The following VWA8 variants were observed in gnomAD, a reference collection of about 807,000 sequenced individuals.
VWA8 encodes von Willebrand factor A domain-containing protein 8.
Under a neutral mutation model 241.5 loss-of-function variants are expected in VWA8, and 221 were observed. The ratio of observed to expected loss-of-function variants is 0.91; its 90% CI spans 0.82 to 1.02. VWA8 has a LOEUF of 1.02. Ranked by LOEUF, VWA8 falls within the 50% of genes least tolerant of loss-of-function variation. The pLI is 0.00. For missense variants in VWA8, 2,322 were observed against 2,328.7 expected (o/e 1.00, Z 0.06); for synonymous variants, 852 against 827.1 (o/e 1.03, Z -0.52).
At chr13:41,881,671 G>C (rs1874202329) in intron 9 of VWA8, among the ~76,000 whole-genome samples, 1 of 150,384 alleles carries the variant, frequency 6.6e-6, no homozygotes, top group Non-Finnish European at 1.5e-5. Context: ...TCCCAGTAGG[G>C]GCGGCCGGGC....
At chr13:41,779,813 A>G (rs768610683) in intron 19 of VWA8, among the ~76,000 whole-genome samples, 30 of 152,200 alleles carry the variant, frequency 2.0e-4, no homozygotes, top group Admixed American at 2.6e-4. Context: ...TCCAAACTAT[A>G]TCTGTGTTCT....
At chr13:41,578,580 A>G (rs977335004) in intron 42 of VWA8, among the ~76,000 whole-genome samples, 5 of 152,192 alleles carry the variant, frequency 3.3e-5, no homozygotes, top group Non-Finnish European at 1.5e-5. Context: ...TCCATTTGCT[A>G]ACTCCTAAAT....
chr13:41,875,748 T>C (rs1461230570), intron 9 of VWA8, among the ~76,000 whole-genome samples: 1 of 152,110 alleles, frequency 6.6e-6, no homozygotes, highest in African/African-American at 2.4e-5. Context: ...TTTTATTTTC[T>C]ATCTACATTC....
intron 12 of VWA8, among the ~76,000 whole-genome samples, chr13:41,851,384 T>C (rs1160748535): frequency 6.6e-6 from 1 of 152,238 alleles, no homozygotes; most frequent in African/African-American, 2.4e-5. Flanking sequence ...TCCTCCAGGT[T>C]TATTTACATT....
At chr13:41,720,665 T>C (rs1374124343) in intron 25 of VWA8, among the ~76,000 whole-genome samples, 1 of 152,150 alleles carries the variant, frequency 6.6e-6, no homozygotes, top group Non-Finnish European at 1.5e-5. Context: ...ACTGGAACTT[T>C]GTATCCTTGG....
In VWA8 at chr13:41,675,297, C is replaced by G. The variant is rs770672403; in HGVS notation, c.4328-1G>C. ...CCAGATGTTTGTGGAGGAGTAACATCTACAAACAAGTCATGACATGAGCCA... is the reference window on the plus strand; with the variant it reads ...CCAGATGTTTGTGGAGGAGTAACATGTACAAACAAGTCATGACATGAGCCA... On this transcript the variant is annotated splice_acceptor_variant, in intron 35 of 44. Coordinates refer to ENST00000379310, the MANE Select transcript of VWA8 (RefSeq NM_015058.2). LOFTEE classifies it high-confidence loss of function. 4.4e-6 allele frequency: 7 copies of G among 1,608,984 alleles called. No homozygotes were observed. The African/African-American group carries it at 6.7e-5, about 15-fold the overall frequency.
chr13:41,685,557 T>G (rs2045130760), intron 34 of VWA8, among the ~76,000 whole-genome samples: 1 of 152,062 alleles, frequency 6.6e-6, no homozygotes, highest in African/African-American at 2.4e-5. Context: ...TGAGGAGATC[T>G]TGTCTTAAAC....
At chr13:41,942,625 A>G (rs1262780024) in intron 2 of VWA8, among the ~76,000 whole-genome samples, 1 of 152,144 alleles carries the variant, frequency 6.6e-6, no homozygotes, top group East Asian at 1.9e-4. Flanking sequence ...CCTTCCCAAC[A>G]GTCCTTACAA....
intron 36 of VWA8, among the ~76,000 whole-genome samples, chr13:41,671,907 T>G (rs1370895727): frequency 2.0e-5 from 3 of 152,202 alleles, no homozygotes; most frequent in African/African-American, 7.2e-5. Context: ...TGTAACAGCC[T>G]GATCTAAGAC....
At chr13:41,845,995 A>C (rs1366438415) in intron 12 of VWA8, among the ~76,000 whole-genome samples, 2 of 152,234 alleles carry the variant, frequency 1.3e-5, no homozygotes, top group African/African-American at 4.8e-5. Context: ...GTTGGAATTA[A>C]AAATAAATTA....
At chr13:41,707,327 A>T (rs1013375269) in intron 26 of VWA8, among the ~76,000 whole-genome samples, 5 of 152,182 alleles carry the variant, frequency 3.3e-5, no homozygotes, top group African/African-American at 1.2e-4. Context: ...TGCCAATACT[A>T]TTTTTGGAAT....
intron 20 of VWA8, among the ~76,000 whole-genome samples, chr13:41,772,749 C>T (rs1305492059): frequency 6.6e-6 from 1 of 152,172 alleles, no homozygotes; most frequent in Non-Finnish European, 1.5e-5. Flanking sequence ...GGGCAGGCTA[C>T]TTTATTTTAC....
Position 41,671,139 on chromosome 13 carries a change from G to T in VWA8, c.4418C>A (p.Ser1473Tyr). 6.2e-7 allele frequency: 1 copy of T among 1,613,710 alleles called. No individual in the cohort carries two copies. The highest frequency in any genetic ancestry group is 2.2e-5 in the East Asian group (1 of 44,882). Residue 1473 changes from serine (S) to tyrosine (Y), a missense_variant, in exon 37 of 45, where the codon TCT becomes TAT. By Grantham distance (144) the Ser-to-Tyr change is moderately radical. Coordinates refer to ENST00000379310, the MANE Select transcript of VWA8 (RefSeq NM_015058.2). ...CAGCCATGTGGTATACGGCGAGAGA[G>T]ATTCTGATCTGGAAAAAGGAATCCA... ...LRYIPIPRSE[S>Y]LSPYTTWLST...
rs376174215 is a variant in VWA8, at chr13:41,866,050, G to C, written c.1213-14C>G. 1.2e-6 allele frequency: 2 copies of C among 1,613,058 alleles called. No individual in the cohort carries two copies. Among genetic ancestry groups the C allele is most frequent in the African/African-American group, 2.7e-5 (2 of 74,880 alleles). On this transcript the variant is annotated splice_polypyrimidine_tract_variant and intron_variant, in intron 10 of 44. Coordinates refer to ENST00000379310, the MANE Select transcript of VWA8 (RefSeq NM_015058.2). ...CCCGGCTGGCACCTATAATTAAAGA[G>C]AGGTCAATATAACATGGCCAGATGT... is the stretch of plus-strand genomic sequence containing the variant.
At chr13:41,866,087 C>T (rs375890057) in intron 10 of VWA8, 51 bp from the exon 11 acceptor site, 3 of 1,594,546 alleles carry the variant, frequency 1.9e-6, no homozygotes, top group African/African-American at 2.7e-5. Flanking sequence ...GTGGCTCACG[C>T]CTATAATCCC....
chr13:41,647,256 T>C (rs760285056), intron 37 of VWA8, among the ~76,000 whole-genome samples: 69 of 152,170 alleles, frequency 4.5e-4, no homozygotes, highest in Admixed American at 3.0e-3. Flanking sequence ...TCAGAAGCTT[T>C]TGGGAGACAT....
chr13:41,955,951 T>G (rs545528675), intron 1 of VWA8: 1 of 152,358 alleles, frequency 6.6e-6, no homozygotes, highest in African/African-American at 2.4e-5. Context: ...CCATAAATGC[T>G]GCCTGCTCAC....
intron 33 of VWA8, among the ~76,000 whole-genome samples, chr13:41,689,958 T>A (rs2045164604): frequency 6.6e-6 from 1 of 152,140 alleles, no homozygotes; most frequent in South Asian, 2.1e-4. Context: ...GTTAAAAAAA[T>A]TCAAGGACAG....
intron 35 of VWA8, among the ~76,000 whole-genome samples, chr13:41,677,265 C>T (rs1297857015): frequency 6.6e-6 from 1 of 152,114 alleles, no homozygotes; most frequent in Non-Finnish European, 1.5e-5. Flanking sequence ...CATGTGATGT[C>T]ATTAGTATAC....
Sources: allele counts gnomAD v4.1 joint callset (sites outside exome capture counted in the v4.1 genomes callset), GRCh38; gene constraint gnomAD v4.1.1; transcripts MANE v1.5; gene names NCBI Gene and HGNC (gene_info 2026-07-23, HGNC 2026-07-21).